The following RTN4 variants were observed in gnomAD, a reference collection of about 807,000 sequenced individuals.
RTN4 encodes the protein reticulon-4.
A neutral mutation model predicts 90.4 loss-of-function variants in RTN4; 32 were observed. The ratio of observed to expected loss-of-function variants is 0.35; its 90% CI spans 0.27 to 0.48. The LOEUF (loss-of-function observed/expected upper bound fraction) is 0.48, where lower values mean the gene tolerates loss of function less well. RTN4 is among the 20% of genes least tolerant of loss of function. The pLI, the probability that RTN4 is intolerant of heterozygous loss-of-function variation, is 0.99. For synonymous variants in RTN4, 629 were observed against 552.5 expected, an observed-to-expected ratio of 1.14 and a Z score of -1.94; for missense variants, 1,706 against 1,430.2, an observed-to-expected ratio of 1.19 and a Z score of -3.11.
chr2:55,074,533 A>G (rs565037042), intron 2 of RTN4, among the ~76,000 whole-genome samples: 88 of 151,844 alleles, frequency 5.8e-4, no homozygotes, highest in South Asian at 3.3e-3. Flanking sequence ...AAAAAAAAAA[A>G]AAAGAAAATA....
chr2:54,973,945 T>C (rs1016981273), intron 6 of RTN4, 78 bp from the exon 7 acceptor site: 15 of 1,264,126 alleles, frequency 1.2e-5, no homozygotes, highest in Non-Finnish European at 1.6e-5. Flanking sequence ...ACTATTAAAC[T>C]GGCAACTCAA....
At chr2:54,982,707 A>C in intron 4 of RTN4, 54 bp from the exon 5 acceptor site, 1 of 1,524,844 alleles carries the variant, frequency 6.6e-7, no homozygotes, top group Non-Finnish European at 8.9e-7. Context: ...TTTCCCCTAA[A>C]TGTCAATCAG....
At chr2:55,130,141 A>G in the RTN4 span, among the ~76,000 whole-genome samples, 1 of 152,244 alleles carries the variant, frequency 6.6e-6, no homozygotes, top group South Asian at 2.1e-4. Context: ...TAAGTTATGG[A>G]ACAGTCATAT....
chr2:54,976,930 G>T (rs1306716498), intron 5 of RTN4, among the ~76,000 whole-genome samples: 1 of 152,214 alleles, frequency 6.6e-6, no homozygotes, highest in Non-Finnish European at 1.5e-5. Context: ...GAGGAAGGAG[G>T]CCTAAAATGT....
rs201294855 is a variant in RTN4, at chr2:54,987,529, G to C, written c.3183C>G (p.Ile1061Met). ...TISFRIYKGV[I>M]QAIQKSDEGH... ...CTTCATCTGATTTCTGGATAGCTTG[G>C]ATCACACCCTTGTATATCCTAAAGC... Residue 1061 changes from isoleucine to methionine, a missense_variant, in exon 4 of 9, where the codon ATC becomes ATG. By Grantham distance (10) the Ile-to-Met change is conservative. Coordinates refer to ENST00000337526, the MANE Select transcript of RTN4 (RefSeq NM_020532.5). The C allele has an allele frequency of 6.2e-7, 1 of 1,614,094 alleles. No individual in the cohort carries two copies. Among genetic ancestry groups the C allele is most frequent in the Non-Finnish European group, 8.5e-7 (1 of 1,180,016 alleles).
At chr2:55,078,134 G>A (rs1164882949) in intron 2 of RTN4, among the ~76,000 whole-genome samples, 2 of 151,742 alleles carry the variant, frequency 1.3e-5, no homozygotes, top group African/African-American at 4.9e-5. Flanking sequence ...TAAAGAGCTT[G>A]TTCATGTAAC....
intron 3 of RTN4, among the ~76,000 whole-genome samples, chr2:55,008,330 T>C (rs1011580528): frequency 6.7e-6 from 1 of 149,098 alleles, no homozygotes. Flanking sequence ...TGTCAAACTA[T>C]TTTTTTTTTA....
chr2:54,974,608 A>G, intron 6 of RTN4, 87 bp downstream of exon 6: 2 of 1,106,734 alleles, frequency 1.8e-6, no homozygotes, highest in Admixed American at 3.5e-5. Flanking sequence ...CTTTTCATAC[A>G]ATGAGAATAT....
the RTN4 span, among the ~76,000 whole-genome samples, chr2:55,135,025 G>A: frequency 6.6e-6 from 1 of 152,044 alleles, no homozygotes; most frequent in African/African-American, 2.4e-5. Context: ...TTCCATTTGG[G>A]GAGGCCAAGG....
the RTN4 span, among the ~76,000 whole-genome samples, chr2:55,125,723 A>G: frequency 3.9e-5 from 6 of 151,950 alleles, no homozygotes; most frequent in Admixed American, 3.9e-4. Flanking sequence ...CCAAGATCTC[A>G]CCAGTACACC....
At chr2:55,019,981 A>G (rs1681308677) in intron 3 of RTN4, among the ~76,000 whole-genome samples, 1 of 152,182 alleles carries the variant, frequency 6.6e-6, no homozygotes, top group Non-Finnish European at 1.5e-5. Flanking sequence ...CCTCAGAATA[A>G]GTTTAACCAA....
At chr2:55,095,227 G>C (rs894662429) in intron 1 of RTN4, among the ~76,000 whole-genome samples, 1 of 152,046 alleles carries the variant, frequency 6.6e-6, no homozygotes, top group Non-Finnish European at 1.5e-5. Flanking sequence ...GGGAGGCTGA[G>C]GCAGGAGAAT....
chr2:55,001,000 T>G (rs1679814253), intron 3 of RTN4, among the ~76,000 whole-genome samples: 1 of 152,110 alleles, frequency 6.6e-6, no homozygotes, highest in South Asian at 2.1e-4. Flanking sequence ...AATAACAATC[T>G]ATGTAATTAC....
Position 55,049,940 on chromosome 2 carries a change from A to G in RTN4, c.361T>C (p.Ser121Pro). 7.4e-7 allele frequency: 1 copy of G among 1,343,900 alleles called. No individual in the cohort carries two copies. Among genetic ancestry groups the G allele is most frequent in the Non-Finnish European group, 9.5e-7 (1 of 1,053,546 alleles). 83.2% of individuals were successfully genotyped at this position (1,343,900 alleles called of 1,614,324 possible). ...GAGACTGCGGCAGCAGACAGCGGGGATGGCGCGGGCACGGTCGACGACACC... is the reference window on the plus strand; with the variant it reads ...GAGACTGCGGCAGCAGACAGCGGGGGTGGCGCGGGCACGGTCGACGACACC... The part of the protein sequence containing the change: ...SPVSSTVPAP[S>P]PLSAAAVSPS... Residue 121 changes from serine (S) to proline (P), a missense_variant, in exon 1 of 9, where the codon TCC becomes CCC. Transcript: ENST00000337526.
chr2:55,044,784 C>CAAAAAAA (rs1683304701), intron 1 of RTN4, among the ~76,000 whole-genome samples: 1 of 11,944 alleles, frequency 8.4e-5, no homozygotes, highest in East Asian at 1.5e-3. Context: ...TTGCAAATCA[C>CAAAAAAA]TAAAAAAAAA....
chr2:55,128,113 T>C, the RTN4 span, among the ~76,000 whole-genome samples: 1 of 152,272 alleles, frequency 6.6e-6, no homozygotes, highest in South Asian at 2.1e-4. Context: ...CCCAAAGTGC[T>C]GGGATTATAG....
intron 1 of RTN4, among the ~76,000 whole-genome samples, chr2:55,048,008 A>T (rs1022802103): frequency 6.6e-6 from 1 of 152,256 alleles, no homozygotes; most frequent in Non-Finnish European, 1.5e-5. Context: ...ATACTTACAG[A>T]AACCTAGATG....
chr2:55,010,230 C>A (rs200322781), intron 3 of RTN4: 875 of 1,578,428 alleles, frequency 5.5e-4, no homozygotes, highest in Non-Finnish European at 6.9e-4. Flanking sequence ...GTTTCCTCAA[C>A]CGAAGTCTGC....
intron 5 of RTN4, among the ~76,000 whole-genome samples, chr2:54,982,127 T>C (rs1184375495): frequency 2.0e-5 from 3 of 149,238 alleles, no homozygotes; most frequent in Non-Finnish European, 4.4e-5. Flanking sequence ...TGGCTAATTT[T>C]GTATTTTTAG....
Sources: gnomAD v4.1 joint callset for allele counts (sites outside exome capture counted in the v4.1 genomes callset) on GRCh38, gnomAD v4.1.1 for gene constraint, MANE v1.5 for transcripts, NCBI Gene and HGNC (gene_info 2026-07-23, HGNC 2026-07-21) for gene names.